The following SNAP25 variants were observed in gnomAD, a reference collection of about 807,000 sequenced individuals.
SNAP25 encodes synaptosome associated protein 25, also known as synaptosomal-associated protein 25.
In SNAP25, 3 loss-of-function variants were observed where a neutral mutation model predicts 28.7. The ratio of observed to expected loss-of-function variants is 0.10; its 90% CI spans 0.05 to 0.27. SNAP25 has a LOEUF of 0.27. Ranked by LOEUF, SNAP25 falls within the 10% of genes least tolerant of loss-of-function variation. The pLI is 1.00. For synonymous variants in SNAP25, 61 were observed against 88.1 expected, an observed-to-expected ratio of 0.69 and a Z score of 1.72; for missense variants, 117 against 278.7, an observed-to-expected ratio of 0.42 and a Z score of 4.13.
intron 7 of SNAP25, among the ~76,000 whole-genome samples, chr20:10,303,325 C>T (rs1235158236): frequency 2.0e-5 from 3 of 152,056 alleles, no homozygotes; most frequent in South Asian, 2.1e-4. Flanking sequence ...AAATCAATGC[C>T]CTATCTTACT....
chr20:10,229,637 A>ACACTAT (rs1440770894), intron 1 of SNAP25, among the ~76,000 whole-genome samples: 7 of 152,186 alleles, frequency 4.6e-5, no homozygotes, highest in Non-Finnish European at 8.8e-5. Context: ...TTTGAAAGTC[A>ACACTAT]CACTATTTTT....
intron 3 of SNAP25, among the ~76,000 whole-genome samples, chr20:10,281,967 T>C (rs2063784903): frequency 6.6e-6 from 1 of 152,154 alleles, no homozygotes; most frequent in African/African-American, 2.4e-5. Flanking sequence ...CTTAGAGCAC[T>C]AGCATTATGA....
At chr20:10,239,385 G>A (rs964844737) in intron 1 of SNAP25, among the ~76,000 whole-genome samples, 4 of 152,222 alleles carry the variant, frequency 2.6e-5, no homozygotes, top group East Asian at 1.9e-4. Context: ...CAGAGAGAAC[G>A]AAGGAGATAC....
chr20:10,265,348 TG>T (rs1024342171), intron 1 of SNAP25, among the ~76,000 whole-genome samples: 62 of 152,344 alleles, frequency 4.1e-4, no homozygotes, highest in African/African-American at 1.4e-3. Context: ...AAGTACTTTT[TG>T]CTCTGGTCCT....
chr20:10,271,575 A>G (rs1437570170), intron 1 of SNAP25, among the ~76,000 whole-genome samples: 3 of 152,350 alleles, frequency 2.0e-5, no homozygotes, highest in East Asian at 3.9e-4. Flanking sequence ...CTTCTCCGCC[A>G]TCGCACCAGC....
chr20:10,275,253 T>C (rs888902089), intron 1 of SNAP25, among the ~76,000 whole-genome samples, 176 bp from the exon 2 acceptor site: 4 of 152,200 alleles, frequency 2.6e-5, no homozygotes, highest in Admixed American at 6.5e-5. Flanking sequence ...AAGTATGTAT[T>C]TGTGGCATCC....
chr20:10,279,550 A>T (rs921006375), intron 3 of SNAP25, among the ~76,000 whole-genome samples: 1 of 152,224 alleles, frequency 6.6e-6, no homozygotes, highest in African/African-American at 2.4e-5. Context: ...TCCCTTACAC[A>T]TCAGAGTCTG....
At chr20:10,235,322 A>C (rs1253888025) in intron 1 of SNAP25, among the ~76,000 whole-genome samples, 1 of 152,278 alleles carries the variant, frequency 6.6e-6, no homozygotes, top group Non-Finnish European at 1.5e-5. Flanking sequence ...AAATATTTTT[A>C]GAAAAACCAC....
chr20:10,268,898 T>C (rs2063548507), intron 1 of SNAP25, among the ~76,000 whole-genome samples: 1 of 152,030 alleles, frequency 6.6e-6, no homozygotes, highest in African/African-American at 2.4e-5. Flanking sequence ...CTGTCTCAGA[T>C]GTTTCTGTCT....
chr20:10,245,987 A>G (rs557350150), intron 1 of SNAP25, among the ~76,000 whole-genome samples: 3 of 152,230 alleles, frequency 2.0e-5, no homozygotes, highest in Non-Finnish European at 2.9e-5. Context: ...CTGAGACTTC[A>G]AAGCTGTGTG....
chr20:10,274,474 A>G (rs771739069), intron 1 of SNAP25, among the ~76,000 whole-genome samples: 21 of 152,372 alleles, frequency 1.4e-4, no homozygotes, highest in Non-Finnish European at 2.1e-4. Flanking sequence ...GAAAGAAGGC[A>G]GACAAAAAGT....
In SNAP25 at chr20:10,275,541, G is replaced by T; in HGVS notation, c.50G>T (p.Arg17Met). The change falls in exon 2 of 8, where the codon AGG (arginine) becomes ATG (methionine). Residue 17 changes from arginine to methionine, a missense_variant. Around this residue, in one of 3 missense-constraint regions of SNAP25, gnomAD observed 29 missense variants for 53.5 expected, o/e 0.54. Transcript: ENST00000254976. Reference protein sequence around the residue: ...MRNELEEMQRRADQLADESLE... With the variant: ...MRNELEEMQRMADQLADESLE... Reference sequence around the variant, plus strand: ...AATGAGCTGGAGGAGATGCAGCGAAGGGCTGACCAGTTGGCTGATGAGGTA... The same window carrying T: ...AATGAGCTGGAGGAGATGCAGCGAATGGCTGACCAGTTGGCTGATGAGGTA... The T allele has an allele frequency of 6.2e-7, 1 of 1,601,932 alleles. No homozygotes were observed. Among genetic ancestry groups the T allele is most frequent in the Non-Finnish European group, 8.5e-7 (1 of 1,173,302 alleles).
At chr20:10,301,161 A>G (rs1888030025) in intron 7 of SNAP25, among the ~76,000 whole-genome samples, 2 of 152,310 alleles carry the variant, frequency 1.3e-5, no homozygotes, top group Admixed American at 6.5e-5. Flanking sequence ...TGGAAAGGCA[A>G]GTGGCATCTT....
intron 3 of SNAP25, among the ~76,000 whole-genome samples, chr20:10,280,375 G>T (rs2063759294): frequency 1.3e-5 from 2 of 152,158 alleles, no homozygotes; most frequent in Non-Finnish European, 2.9e-5. Context: ...TGTAGCACTT[G>T]GTTCTCAGCC....
At chr20:10,298,035 T>G (rs1232887659) in intron 6 of SNAP25, among the ~76,000 whole-genome samples, 1 of 151,384 alleles carries the variant, frequency 6.6e-6, no homozygotes, top group Non-Finnish European at 1.5e-5. Context: ...AGAACTCAGC[T>G]CTCCCTTTGC....
chr20:10,295,141 G>A (rs1600779504), intron 5 of SNAP25, among the ~76,000 whole-genome samples: 2 of 152,348 alleles, frequency 1.3e-5, no homozygotes, highest in African/African-American at 4.8e-5. Context: ...TCACAACGCA[G>A]TGGCTGGTGG....
chr20:10,286,984 T>A (rs754590377), intron 4 of SNAP25, among the ~76,000 whole-genome samples: 3 of 151,920 alleles, frequency 2.0e-5, no homozygotes, highest in Non-Finnish European at 4.4e-5. Context: ...TCATTGCTTT[T>A]AAAAAAAATA....
At chr20:10,238,935 T>C (rs1360278842) in intron 1 of SNAP25, among the ~76,000 whole-genome samples, 1 of 151,834 alleles carries the variant, frequency 6.6e-6, no homozygotes, top group Non-Finnish European at 1.5e-5. Context: ...ATAATATCAA[T>C]AAAGCATCAA....
intron 1 of SNAP25, among the ~76,000 whole-genome samples, chr20:10,272,103 G>A (rs934873884): frequency 2.0e-5 from 3 of 152,178 alleles, no homozygotes; most frequent in Admixed American, 6.5e-5. Context: ...GTGCCTAGCC[G>A]TTAGTAGAGG....
Sources: gnomAD v4.1 joint callset for allele counts (sites outside exome capture counted in the v4.1 genomes callset) on GRCh38, gnomAD v4.1.1 for gene constraint, gnomAD v4.1.1 regional missense constraint, MANE v1.5 for transcripts, NCBI Gene and HGNC (gene_info 2026-07-23, HGNC 2026-07-21) for gene names.